The following MAML2 variants were observed in gnomAD, a reference collection of about 807,000 sequenced individuals.
MAML2 encodes mastermind like transcriptional coactivator 2.
Under a neutral mutation model 96.1 loss-of-function variants are expected in MAML2, and 22 were observed. That is an observed-to-expected ratio of 0.23 (90% CI 0.16 to 0.33). MAML2 has a LOEUF of 0.33. MAML2 is among the 10% of genes least tolerant of loss of function. The pLI, the probability that MAML2 is intolerant of heterozygous loss-of-function variation, is 1.00. For synonymous variants in MAML2, 561 were observed against 521.3 expected (o/e 1.08, Z -1.04); for missense variants, 1,367 against 1,392.4 (o/e 0.98, Z 0.29).
rs151175233 is a variant in MAML2, at chr11:96,117,897, C to A, written c.514-24380G>T. Among the ~76,000 whole-genome samples, 497 of 152,302 alleles carry A rather than the reference C, an allele frequency of 3.3e-3. 6 individuals are homozygous for A. The highest frequency in any genetic ancestry group is 0.021 in the Admixed American group (328 of 15,296). ...GTGACTCCAAACTATCCCAGAAAGA[C>A]TTCTGTTCTCTTCTTTATATATATA... is the stretch of plus-strand genomic sequence containing the variant. On this transcript the variant is annotated intron_variant, in intron 1 of 4. Coordinates refer to ENST00000524717, the MANE Select transcript of MAML2 (RefSeq NM_032427.4).
At chr11:96,071,429 G>A (rs1266341291) in intron 2 of MAML2, among the ~76,000 whole-genome samples, 3 of 152,272 alleles carry the variant, frequency 2.0e-5, no homozygotes, top group Non-Finnish European at 2.9e-5. Context: ...CCATGGAGAC[G>A]TGTAGCTCCA....
At chr11:96,148,094 G>A (rs1474974600) in intron 1 of MAML2, among the ~76,000 whole-genome samples, 1 of 152,114 alleles carries the variant, frequency 6.6e-6, no homozygotes, top group Non-Finnish European at 1.5e-5. Flanking sequence ...TATACACGAC[G>A]AGCACACCTC....
chr11:96,117,953 T>G (rs1781621347), intron 1 of MAML2, among the ~76,000 whole-genome samples: 1 of 152,154 alleles, frequency 6.6e-6, no homozygotes, highest in African/African-American at 2.4e-5. Flanking sequence ...GCACCCTCAT[T>G]TTGTAAGAAA....
intron 1 of MAML2, among the ~76,000 whole-genome samples, chr11:96,265,216 G>A (rs1324755264): frequency 6.6e-6 from 1 of 152,224 alleles, no homozygotes; most frequent in African/African-American, 2.4e-5. Context: ...TGTGAAAATG[G>A]ACAGAAAAGT....
intron 1 of MAML2, among the ~76,000 whole-genome samples, chr11:96,238,957 C>T (rs1862398391): frequency 6.6e-6 from 1 of 152,102 alleles, no homozygotes; most frequent in Non-Finnish European, 1.5e-5. Context: ...GGTATTCTGG[C>T]CAAAGTCCAA....
At chr11:96,017,999 C>A (rs374229833) in intron 2 of MAML2, among the ~76,000 whole-genome samples, 1 of 152,042 alleles carries the variant, frequency 6.6e-6, no homozygotes, top group African/African-American at 2.4e-5. Flanking sequence ...ATAGTTTGTA[C>A]GGAGAAAGAA....
intron 1 of MAML2, among the ~76,000 whole-genome samples, chr11:96,199,479 A>G (rs540059762): frequency 6.6e-6 from 1 of 152,220 alleles, no homozygotes; most frequent in East Asian, 1.9e-4. Flanking sequence ...TATCACTCAC[A>G]GCCAAATGCA....
intron 1 of MAML2, among the ~76,000 whole-genome samples, chr11:96,337,554 G>T (rs1179905724): frequency 6.6e-6 from 1 of 152,202 alleles, no homozygotes; most frequent in African/African-American, 2.4e-5. Flanking sequence ...TAAAGTAGAT[G>T]CATTCAAAGA....
intron 1 of MAML2, among the ~76,000 whole-genome samples, chr11:96,122,749 A>G (rs923874939): frequency 1.4e-4 from 22 of 152,220 alleles, no homozygotes; most frequent in African/African-American, 5.1e-4. Flanking sequence ...GAAAAGCTCA[A>G]TTATACCATT....
intron 2 of MAML2, among the ~76,000 whole-genome samples, chr11:96,070,024 A>AAAATAAATAAAT (rs550416059): frequency 6.6e-6 from 1 of 151,200 alleles, no homozygotes; most frequent in African/African-American, 2.4e-5. Flanking sequence ...CTCTGTCTCA[A>AAAATAAATAAAT]AAATAAATAA....
At position 95,991,708 on chromosome 11, in the gene MAML2, C is replaced by G. The variant is rs1469295366; in HGVS notation, c.2155G>C (p.Val719Leu). 6.2e-7 allele frequency: 1 copy of G among 1,613,190 alleles called. No homozygotes were observed. Among genetic ancestry groups the G allele is most frequent in the Non-Finnish European group, 8.5e-7 (1 of 1,179,492 alleles). Reference protein sequence around the residue: ...QQQRQDQHSVVGQNTGPSPSP... With the variant: ...QQQRQDQHSVLGQNTGPSPSP... ...GGACTGGGGCCTGTGTTCTGGCCTA[C>G]CACAGAGTGTTGATCCTAAAGAAGA... is the stretch of plus-strand genomic sequence containing the variant. The change falls in exon 3 of 5, where the codon GTA becomes CTA. Residue 719 changes from valine to leucine, a missense_variant. Val to Leu is a conservative substitution (Grantham distance 32, BLOSUM62 1). Coordinates refer to ENST00000524717, the MANE Select transcript of MAML2 (RefSeq NM_032427.4).
intron 2 of MAML2, among the ~76,000 whole-genome samples, chr11:96,082,167 TG>T (rs34944752): frequency 0.73 from 110,178 of 151,954 alleles, 41,143 homozygotes; most frequent in Non-Finnish European, 0.83. Context: ...GGTTAAGGTA[TG>T]GACTTAACTA....
intron 1 of MAML2, among the ~76,000 whole-genome samples, chr11:96,196,222 A>T (rs1861728288): frequency 6.6e-6 from 1 of 152,182 alleles, no homozygotes; most frequent in African/African-American, 2.4e-5. Flanking sequence ...ATACAATGAG[A>T]TCATTGTTCG....
intron 1 of MAML2, among the ~76,000 whole-genome samples, chr11:96,299,234 T>C (rs1395766360): frequency 8.0e-6 from 1 of 124,426 alleles, no homozygotes; most frequent in Non-Finnish European, 1.6e-5. Context: ...TGTCTGACAC[T>C]AATCATAAGT....
chr11:96,204,906 A>G (rs1224103598), intron 1 of MAML2, among the ~76,000 whole-genome samples: 3 of 152,116 alleles, frequency 2.0e-5, no homozygotes, highest in Non-Finnish European at 4.4e-5. Context: ...ATTTCTCTTT[A>G]TCCTTCATTC....
intron 1 of MAML2, among the ~76,000 whole-genome samples, chr11:96,225,669 TA>T (rs1271576497): frequency 4.0e-5 from 6 of 151,794 alleles, no homozygotes; most frequent in Non-Finnish European, 8.8e-5. Context: ...CGGTCTCTAC[TA>T]AAAAATACAA....
At chr11:96,208,178 T>C (rs1309370752) in intron 1 of MAML2, among the ~76,000 whole-genome samples, 1 of 152,220 alleles carries the variant, frequency 6.6e-6, no homozygotes, top group African/African-American at 2.4e-5. Flanking sequence ...TCCCAAACTC[T>C]ATCTTATTCA....
intron 1 of MAML2, among the ~76,000 whole-genome samples, chr11:96,094,859 C>A (rs1415565654): frequency 6.6e-6 from 1 of 152,182 alleles, no homozygotes; most frequent in Non-Finnish European, 1.5e-5. Flanking sequence ...CTCCTATCTT[C>A]TCTTCTCACT....
intron 1 of MAML2, among the ~76,000 whole-genome samples, chr11:96,240,133 T>C (rs984854880): frequency 6.6e-6 from 1 of 152,242 alleles, no homozygotes; most frequent in Non-Finnish European, 1.5e-5. Flanking sequence ...AGGGTCTGTG[T>C]CTTAGAATGC....
Sources: allele counts gnomAD v4.1 joint callset (sites outside exome capture counted in the v4.1 genomes callset), GRCh38; gene constraint gnomAD v4.1.1; transcripts MANE v1.5; gene names NCBI Gene and HGNC (gene_info 2026-07-23, HGNC 2026-07-21).